PDCD11: variants seen among roughly 807,000 people sequenced by gnomAD.
PDCD11 encodes protein RRP5 homolog.
PDCD11 carries 97 observed loss-of-function variants against 198.9 expected under a neutral mutation model. The ratio of observed to expected loss-of-function variants is 0.49; its 90% confidence interval spans 0.41 to 0.58. PDCD11 has a LOEUF of 0.58. Ranked by LOEUF, PDCD11 falls within the 20% of genes least tolerant of loss-of-function variation. The pLI is 0.00. For synonymous variants in PDCD11, 893 were observed against 918.0 expected, an observed-to-expected ratio of 0.97 and a Z score of 0.49; for missense variants, 2,102 against 2,312.7, an observed-to-expected ratio of 0.91 and a Z score of 1.87.
intron 24 of PDCD11, 109 bp from the exon 25 acceptor site, chr10:103,434,689 A>G: frequency 1.2e-6 from 1 of 837,694 alleles, no homozygotes; most frequent in Non-Finnish European, 1.8e-6. Flanking sequence ...CAGCCCAGAT[A>G]CCCCAAGTCT....
At chr10:103,434,690 C>T (rs1306479696) in intron 24 of PDCD11, 108 bp from the exon 25 acceptor site, 1 of 867,410 alleles carries the variant, frequency 1.2e-6, no homozygotes, top group Non-Finnish European at 1.7e-6. Context: ...AGCCCAGATA[C>T]CCCAAGTCTG....
intron 16 of PDCD11, among the ~76,000 whole-genome samples, chr10:103,421,004 T>C (rs1241340241): frequency 2.6e-5 from 4 of 151,950 alleles, no homozygotes; most frequent in African/African-American, 7.3e-5. Context: ...GCCTCCCGAG[T>C]AGCTGGAATT....
chr10:103,407,238 T>C lies in PDCD11; in HGVS notation c.870+448T>C, dbSNP rs940114098. Reference sequence around the variant, plus strand: ...TCTCTTGATTTTTCCATCTTAGGCATTGAGTTTTAACTTTTTATCAAGGTA... The same window carrying C: ...TCTCTTGATTTTTCCATCTTAGGCACTGAGTTTTAACTTTTTATCAAGGTA... On this transcript the variant is annotated intron_variant, in intron 7 of 35. Transcript: ENST00000369797. 2.0e-5 allele frequency among the ~76,000 whole-genome samples: 3 copies of C among 152,324 alleles called. No homozygotes were observed. The East Asian group carries it at 5.8e-4, about 29-fold the overall frequency.
At chr10:103,396,855 C>T (rs572140546) in intron 1 of PDCD11, 125 bp downstream of exon 1, 1 of 152,376 alleles carries the variant, frequency 6.6e-6, no homozygotes, top group African/African-American at 2.4e-5. Flanking sequence ...GCTTCGAAGC[C>T]GGCTCTGTTG....
chr10:103,422,453 G>A (rs546410987), intron 17 of PDCD11, among the ~76,000 whole-genome samples: 3 of 150,728 alleles, frequency 2.0e-5, no homozygotes, highest in South Asian at 2.1e-4. Context: ...AGGTCATTAC[G>A]AGCATCCTAG....
intron 6 of PDCD11, 50 bp downstream of exon 6, chr10:103,406,158 G>A: frequency 6.3e-7 from 1 of 1,595,380 alleles, no homozygotes; most frequent in Middle Eastern, 1.8e-4. Context: ...GGTACATGTG[G>A]GGATTATATT....
chr10:103,414,833 A>G (rs2031010489), intron 11 of PDCD11, among the ~76,000 whole-genome samples, 172 bp from the exon 12 acceptor site: 1 of 152,248 alleles, frequency 6.6e-6, no homozygotes, highest in Non-Finnish European at 1.5e-5. Context: ...AAGCTGACAG[A>G]ATAATCCAGC....
At chr10:103,400,703 A>T (rs552588985) in intron 3 of PDCD11, among the ~76,000 whole-genome samples, 175 bp downstream of exon 3, 3 of 152,038 alleles carry the variant, frequency 2.0e-5, no homozygotes, top group African/African-American at 7.2e-5. Context: ...AGTAAGCATG[A>T]TTTCCTTCCA....
rs754869270 is a variant in PDCD11 at position 103,405,323 on chromosome 10, G to C, written c.564+140G>C. On this transcript the variant is annotated intron_variant, in intron 5 of 35. Coordinates refer to ENST00000369797, the MANE Select transcript of PDCD11 (RefSeq NM_014976.2). Reference sequence around the variant, plus strand: ...TCTTTTTCTGGAAGGAAGGTCTCTTGGGTTCTTTGGGCACTTAATGGACAT... The same window carrying C: ...TCTTTTTCTGGAAGGAAGGTCTCTTCGGTTCTTTGGGCACTTAATGGACAT... The C allele has an allele frequency of 7.0e-6, 5 of 714,438 alleles. No homozygotes were observed. In the African/African-American group the frequency reaches 8.9e-5, roughly 13 times the overall value. The allele number at this position is 714,438 out of a possible 1,614,324, so 44.3% of individuals were successfully genotyped here.
At chr10:103,402,602 C>T (rs1451719454) in intron 3 of PDCD11, among the ~76,000 whole-genome samples, 1 of 152,008 alleles carries the variant, frequency 6.6e-6, no homozygotes, top group Non-Finnish European at 1.5e-5. Flanking sequence ...CCATGCCCGG[C>T]TAATTTTTGT....
In PDCD11 at chr10:103,445,605, G is replaced by T; in HGVS notation, c.*56G>T. 1 of 1,505,210 alleles carries T rather than the reference G, an allele frequency of 6.6e-7. No homozygotes were observed. The highest frequency in any genetic ancestry group is 9.1e-7 in the Non-Finnish European group (1 of 1,093,866). 93.2% of individuals were successfully genotyped at this position (1,505,210 alleles called of 1,614,324 possible). On this transcript the variant is annotated 3_prime_UTR_variant, in exon 36 of 36. Transcript: ENST00000369797. The stretch of plus-strand genomic sequence containing the variant: ...CAATGGGCCAGCCCGGCCCCGCCTC[G>T]AGTGCCTGGGCACTCGGAAAACTGT...
At chr10:103,407,604 C>CT (rs1209418969) in intron 7 of PDCD11, among the ~76,000 whole-genome samples, 1 of 152,008 alleles carries the variant, frequency 6.6e-6, no homozygotes, top group East Asian at 2.0e-4. Flanking sequence ...GAGGTGAAGT[C>CT]TTACTCTGTT....
Position 103,444,065 on chromosome 10 carries a change from G to A in PDCD11, c.5275G>A (p.Glu1759Lys), listed in dbSNP as rs766827841. 1.2e-6 allele frequency: 2 copies of A among 1,610,712 alleles called. No individual in the cohort carries two copies. The highest frequency in any genetic ancestry group is 2.7e-5 in the African/African-American group (2 of 74,852). The change falls in exon 34 of 36, where the codon GAG (glutamate) becomes AAG (lysine). Residue 1759 changes from glutamate to lysine, a missense_variant. By Grantham distance (56) the Glu-to-Lys change is moderately conservative. Coordinates refer to ENST00000369797, the MANE Select transcript of PDCD11 (RefSeq NM_014976.2). Reference protein sequence around the residue: ...QRALECLPSKEHVDVIAKFAQ... With the variant: ...QRALECLPSKKHVDVIAKFAQ... ...AGCCCTGGAGTGCCTGCCTAGCAAG[G>A]AGCGTGAGTGCTCATTCCCAGCTCC...
Position 103,445,843 on chromosome 10 carries a change from G to C in PDCD11, c.*294G>C, listed in dbSNP as rs1001177599. On this transcript the variant is annotated 3_prime_UTR_variant, in exon 36 of 36. Coordinates refer to ENST00000369797, the MANE Select transcript of PDCD11 (RefSeq NM_014976.2). The stretch of plus-strand genomic sequence containing the variant: ...AAATGCTGAGGGTCCCTCTTCCAGG[G>C]GAGTTCCCTGGGGAGCAAGAGTAGA... The C allele has an allele frequency of 5.9e-6, 2 of 341,494 alleles. No homozygotes were observed. The highest frequency in any genetic ancestry group is 1.2e-4 in the East Asian group (2 of 16,628). The allele number at this position is 341,494 out of a possible 1,614,324, so 21.2% of individuals were successfully genotyped here.
At chr10:103,424,884 C>T in intron 19 of PDCD11, 100 bp from the exon 20 acceptor site, 1 of 1,375,378 alleles carries the variant, frequency 7.3e-7, no homozygotes, top group South Asian at 1.3e-5. Context: ...AGCCTTGGGA[C>T]CCCAGAGGGT....
intron 24 of PDCD11, 39 bp from the exon 25 acceptor site, chr10:103,434,759 C>A: frequency 6.4e-7 from 1 of 1,563,886 alleles, no homozygotes; most frequent in South Asian, 1.2e-5. Context: ...TCCCTTAGCT[C>A]ATTTCCTCTT....
intron 21 of PDCD11, 42 bp from the exon 22 acceptor site, chr10:103,432,087 C>T: frequency 4.1e-6 from 6 of 1,459,848 alleles, no homozygotes; most frequent in Non-Finnish European, 2.9e-6. Context: ...GAAGTCTTAT[C>T]CAGAGATGGG....
intron 17 of PDCD11, among the ~76,000 whole-genome samples, chr10:103,422,755 G>A (rs2031510093): frequency 6.6e-6 from 1 of 152,154 alleles, no homozygotes; most frequent in African/African-American, 2.4e-5. Context: ...CCTGGTATTT[G>A]TTGGCTACTC....
Position 103,417,702 on chromosome 10 carries a change from A to C in PDCD11, c.1771-90A>C, listed in dbSNP as rs1019884565. 3.6e-6 allele frequency: 5 copies of C among 1,380,388 alleles called. No homozygotes were observed. In the Admixed American group the frequency reaches 8.5e-5, roughly 24 times the overall value. 85.5% of individuals were successfully genotyped at this position (1,380,388 alleles called of 1,614,324 possible). A position where few individuals can be genotyped will look rare whatever the true frequency, so the allele number is the denominator to read the frequency against. On this transcript the variant is annotated intron_variant, in intron 13 of 35. Transcript: ENST00000369797. The stretch of plus-strand genomic sequence containing the variant: ...GATCCAAAGGCTCGGTAGATCTCCC[A>C]AGTCCTCTGCAGCAGTAGTGGAGGG...
Sources: gnomAD v4.1 joint callset for allele counts (sites outside exome capture counted in the v4.1 genomes callset) on GRCh38, gnomAD v4.1.1 for gene constraint, MANE v1.5 for transcripts, NCBI Gene and HGNC (gene_info 2026-07-23, HGNC 2026-07-21) for gene names.